The following TSGA10 variants were observed in gnomAD, a reference collection of about 807,000 sequenced individuals.
TSGA10 encodes testis-specific gene 10 protein.
In TSGA10, 43 loss-of-function variants were observed where a neutral mutation model predicts 96.6. The observed-to-expected ratio is 0.44, with a 90% CI of 0.35 to 0.57. The LOEUF is 0.57. Ranked by LOEUF, TSGA10 falls within the 20% of genes least tolerant of loss-of-function variation. The probability of loss-of-function intolerance (pLI) is 0.01; values close to 1 mark genes in which losing one functional copy is unlikely to be tolerated. For synonymous variants in TSGA10, 229 were observed against 269.9 expected (o/e 0.85, Z 1.48); for missense variants, 703 against 834.4 (o/e 0.84, Z 1.94).
intron 16 of TSGA10, among the ~76,000 whole-genome samples, chr2:99,044,073 CAT>C (rs1369772262): frequency 6.6e-6 from 1 of 152,178 alleles, no homozygotes; most frequent in Non-Finnish European, 1.5e-5. Context: ...ACTGCAAAAA[CAT>C]ACCAAATTGT....
rs183636871 is a variant in TSGA10 at position 99,103,908 on chromosome 2, T to C, written c.611+59A>G. The stretch of plus-strand genomic sequence containing the variant: ...ATAATTTTCATTATAAAATACACTA[T>C]AAAAAGCAGAGCTATAGTTATAGTA... On this transcript the variant is annotated intron_variant, in intron 10 of 20. Coordinates refer to ENST00000393483, the MANE Select transcript of TSGA10 (RefSeq NM_025244.4). 4,610 of 1,562,016 alleles carry C rather than the reference T, an allele frequency of 3.0e-3. 42 individuals carry two copies. The highest frequency in any genetic ancestry group is 0.02 in the South Asian group (1,676 of 84,726).
chr2:99,082,451 G>C (rs565974019), intron 10 of TSGA10, among the ~76,000 whole-genome samples: 1 of 151,894 alleles, frequency 6.6e-6, no homozygotes, highest in African/African-American at 2.4e-5. Context: ...AGCGTTAGCC[G>C]TCTCTTTGGC....
chr2:99,146,023 C>T (rs768820865), intron 1 of TSGA10, among the ~76,000 whole-genome samples: 18 of 152,194 alleles, frequency 1.2e-4, no homozygotes, highest in Admixed American at 3.9e-4. Flanking sequence ...GTGGCTCATG[C>T]TGTAATCCAA....
intron 16 of TSGA10, among the ~76,000 whole-genome samples, chr2:99,056,281 C>A (rs904445947): frequency 2.0e-5 from 3 of 151,626 alleles, no homozygotes; most frequent in African/African-American, 7.3e-5. Flanking sequence ...ACTAAATTGA[C>A]AAGTCTGTAG....
chr2:99,038,083 G>GT (rs1016289750), intron 16 of TSGA10, among the ~76,000 whole-genome samples: 25 of 150,898 alleles, frequency 1.7e-4, no homozygotes, highest in Admixed American at 1.1e-3. Context: ...AAAAAAAAAA[G>GT]TTTTTTTTCA....
chr2:99,072,363 C>T (rs941528531), intron 13 of TSGA10, among the ~76,000 whole-genome samples: 1 of 152,202 alleles, frequency 6.6e-6, no homozygotes, highest in Non-Finnish European at 1.5e-5. Context: ...CTCTGTTATA[C>T]TCCAGACTTA....
At chr2:99,012,577 G>C (rs1433661367) in intron 20 of TSGA10, among the ~76,000 whole-genome samples, 1 of 151,978 alleles carries the variant, frequency 6.6e-6, no homozygotes, top group East Asian at 1.9e-4. Flanking sequence ...GTAAAAAAAA[G>C]AAAAAGAGGG....
intron 1 of TSGA10, among the ~76,000 whole-genome samples, chr2:99,149,734 G>A (rs1367635104): frequency 5.4e-5 from 8 of 147,278 alleles, no homozygotes; most frequent in African/African-American, 1.8e-4. Flanking sequence ...GAGCCACTGC[G>A]CTCGGCCGAT....
chr2:99,057,133 T>C (rs774764309), intron 16 of TSGA10, among the ~76,000 whole-genome samples: 1 of 66,714 alleles, frequency 1.5e-5, no homozygotes, highest in Non-Finnish European at 2.7e-5. Context: ...TGGTAAAAGA[T>C]GAAATGCTTT....
At chr2:99,144,649 C>CAA (rs70940140) in intron 1 of TSGA10, among the ~76,000 whole-genome samples, 39 of 52,206 alleles carry the variant, frequency 7.5e-4, no homozygotes, top group South Asian at 3.2e-3. Flanking sequence ...AACTCTGTCT[C>CAA]AAAAAAAAAA....
chr2:98,998,276 G>A, intron 20 of TSGA10, 55 bp from the exon 21 acceptor site: 1 of 1,462,432 alleles, frequency 6.8e-7, no homozygotes, highest in Non-Finnish European at 9.4e-7. Context: ...TTTTCAACAT[G>A]TGTAACAAAT....
chr2:99,022,335 A>C (rs1240432951), intron 17 of TSGA10, among the ~76,000 whole-genome samples: 6 of 150,412 alleles, frequency 4.0e-5, no homozygotes, highest in East Asian at 2.0e-4. Flanking sequence ...AAAAAAAAAA[A>C]AAAAAAAAAA....
In TSGA10 at chr2:99,085,609, T is replaced by TAAAAAAAAAAA. The variant is rs200309936; in HGVS notation, c.612-4223_612-4213dup. ...GGGCAACAGAGGGCAATCCTGTCTTTAAAAAAAAAAAAAAAAAAAAAAAAA... is the reference window on the plus strand; with the variant it reads ...GGGCAACAGAGGGCAATCCTGTCTTTAAAAAAAAAAAAAAAAAAAAAAAAAAAAAAAAAAAA... On this transcript the variant is annotated intron_variant, in intron 10 of 20. Coordinates refer to ENST00000393483, the MANE Select transcript of TSGA10 (RefSeq NM_025244.4). 1.1e-3 allele frequency among the ~76,000 whole-genome samples: 57 copies of TAAAAAAAAAAA among 52,454 alleles called. 7 individuals are homozygous for TAAAAAAAAAAA. The highest frequency in any genetic ancestry group is 2.2e-3 in the African/African-American group (19 of 8,460). 34.4% of individuals were successfully genotyped at this position (52,454 alleles called of 152,430 possible).
At chr2:99,145,601 C>A (rs566898156) in intron 1 of TSGA10, among the ~76,000 whole-genome samples, 38 of 151,578 alleles carry the variant, frequency 2.5e-4, no homozygotes, top group African/African-American at 9.0e-4. Flanking sequence ...ATTAGTACCA[C>A]CCAATTAATC....
chr2:99,035,541 A>ACTACT, intron 16 of TSGA10, 102 bp from the exon 17 acceptor site: 7 of 682,036 alleles, frequency 1.0e-5, no homozygotes, highest in Non-Finnish European at 1.6e-5. Context: ...AGAGTAGTGC[A>ACTACT]CTTAGATTGT....
chr2:99,074,000 CTTTTTTTT>C lies in TSGA10; in HGVS notation c.883-935_883-928del, dbSNP rs1167854716. Reference sequence around the variant, plus strand: ...AACCAATTCTGTTCCTGTTTCTTTTCTTTTTTTTTTTTTTTTTTTTTTTTTTTTTGAGA... The same window carrying C: ...AACCAATTCTGTTCCTGTTTCTTTTCTTTTTTTTTTTTTTTTTTTTTGAGA... On this transcript the variant is annotated intron_variant, in intron 12 of 20. Coordinates refer to ENST00000393483, the MANE Select transcript of TSGA10 (RefSeq NM_025244.4). 1.3e-3 allele frequency among the ~76,000 whole-genome samples: 67 copies of C among 52,628 alleles called. 1 individual carries two copies. Among genetic ancestry groups the C allele is most frequent in the African/African-American group, 2.5e-3 (34 of 13,354 alleles). The allele number at this position is 52,628 out of a possible 152,430, so 34.5% of individuals were successfully genotyped here. A position where few individuals can be genotyped will look rare whatever the true frequency, so the allele number is the denominator to read the frequency against.
chr2:98,998,521 C>T (rs930340745), intron 20 of TSGA10, among the ~76,000 whole-genome samples: 3 of 152,014 alleles, frequency 2.0e-5, no homozygotes, highest in East Asian at 1.9e-4. Context: ...TATCTCAAAA[C>T]GACAGAATTA....
At chr2:99,073,106 AT>A (rs755460547) in intron 12 of TSGA10, 33 bp from the exon 13 acceptor site, 2 of 1,368,670 alleles carry the variant, frequency 1.5e-6, no homozygotes, top group Admixed American at 1.9e-5. Context: ...AAATAAAAAA[AT>A]CTTAAGCTGT....
In TSGA10 at chr2:99,078,690, A is replaced by G; in HGVS notation, c.851T>C (p.Ile284Thr). 1 of 1,613,664 alleles carries G rather than the reference A, an allele frequency of 6.2e-7. No individual in the cohort carries two copies. The highest frequency in any genetic ancestry group is 8.5e-7 in the Non-Finnish European group (1 of 1,179,844). Residue 284 changes from isoleucine (I) to threonine (T), a missense_variant, in exon 12 of 21, where the codon ATT becomes ACT. Transcript: ENST00000393483. ...QACLDKKSEN[I>T]ASLGESLAMK... ...TGCCAAACTCTCTCCAAGGGATGCAATATTCTCAGATTTTTTATCCAAACA... is the reference window on the plus strand; with the variant it reads ...TGCCAAACTCTCTCCAAGGGATGCAGTATTCTCAGATTTTTTATCCAAACA...
Sources: gnomAD v4.1 joint callset for allele counts (sites outside exome capture counted in the v4.1 genomes callset) on GRCh38, gnomAD v4.1.1 for gene constraint, MANE v1.5 for transcripts, NCBI Gene and HGNC (gene_info 2026-07-23, HGNC 2026-07-21) for gene names.